The following ACTR3B variants were observed in gnomAD, a reference collection of about 807,000 sequenced individuals.
The protein encoded by ACTR3B is actin related protein 3B.
In ACTR3B, 8 loss-of-function variants were observed where a neutral mutation model predicts 59.0. That is an observed-to-expected ratio of 0.14 (90% confidence interval 0.08 to 0.24). ACTR3B has a LOEUF of 0.24. Among genes scored for constraint, ACTR3B ranks in the 10% least tolerant of loss-of-function variants. The pLI is 1.00. For missense variants in ACTR3B, 245 were observed against 552.3 expected (o/e 0.44, Z 5.58); for synonymous variants, 148 against 197.9 (o/e 0.75, Z 2.12).
intron 2 of ACTR3B, among the ~76,000 whole-genome samples, chr7:152,788,609 C>T (rs2098182867): frequency 6.6e-6 from 1 of 151,982 alleles, no homozygotes; most frequent in Non-Finnish European, 1.5e-5. Context: ...GACGGGATTT[C>T]ACTATGTTGG....
chr7:152,852,014 C>G, intron 9 of ACTR3B, 112 bp from the exon 10 acceptor site: 1 of 1,407,138 alleles, frequency 7.1e-7, no homozygotes, highest in East Asian at 2.3e-5. Flanking sequence ...TTCATAGGGC[C>G]GATGTGTCGT....
intron 2 of ACTR3B, among the ~76,000 whole-genome samples, chr7:152,795,771 T>G (rs138615375): frequency 0.029 from 4,486 of 152,298 alleles, 95 homozygotes; most frequent in Middle Eastern, 0.099. Flanking sequence ...TGAATTTACA[T>G]TAAACACACC....
chr7:152,823,627 T>A, intron 8 of ACTR3B, 112 bp downstream of exon 8: 1 of 1,305,178 alleles, frequency 7.7e-7, no homozygotes, highest in Non-Finnish European at 1.1e-6. Flanking sequence ...TGGCCGTCAT[T>A]CGGTCTCTCT....
At position 152,814,655 on chromosome 7, in the gene ACTR3B, G is replaced by C; in HGVS notation, c.432+10G>C. 3.7e-6 allele frequency: 6 copies of C among 1,607,044 alleles called. No individual in the cohort carries two copies. The highest frequency in any genetic ancestry group is 5.1e-6 in the Non-Finnish European group (6 of 1,174,350). On this transcript the variant is annotated intron_variant, in intron 5 of 11. Transcript: ENST00000256001. ...CTACATTGCAGTTCAGGTAAAACCA[G>C]TTACGTTTGTGATTCCTAAAGCACC...
intron 4 of ACTR3B, among the ~76,000 whole-genome samples, chr7:152,805,514 A>G (rs550258891): frequency 1.3e-5 from 2 of 152,222 alleles, no homozygotes; most frequent in South Asian, 2.1e-4. Flanking sequence ...ACCTACGAAT[A>G]CATGATTATC....
At chr7:152,760,543 A>G (rs1380997841) in intron 1 of ACTR3B, among the ~76,000 whole-genome samples, 1 of 152,198 alleles carries the variant, frequency 6.6e-6, no homozygotes, top group Non-Finnish European at 1.5e-5. Flanking sequence ...ATGAAATGGC[A>G]CACTCAGGCC....
rs749377296 is a variant in ACTR3B, at chr7:152,814,530, T to A, written c.337-20T>A. ...ATGAAATTCGGGTAAACACTAAATA[T>A]AGTGAATGTTTTCTTACAGACAGAA... On this transcript the variant is annotated intron_variant, in intron 4 of 11. Coordinates refer to ENST00000256001, the MANE Select transcript of ACTR3B (RefSeq NM_020445.6). The A allele has an allele frequency of 1.3e-6, 2 of 1,526,920 alleles. No individual in the cohort carries two copies. The highest frequency in any genetic ancestry group is 3.4e-5 in the Admixed American group (2 of 58,314). 94.6% of individuals were successfully genotyped at this position (1,526,920 alleles called of 1,614,324 possible).
intron 1 of ACTR3B, among the ~76,000 whole-genome samples, chr7:152,779,340 A>T (rs2098144564): frequency 6.6e-6 from 1 of 151,988 alleles, no homozygotes; most frequent in South Asian, 2.1e-4. Flanking sequence ...CTTGATGCCT[A>T]CCCAGATCTT....
intron 1 of ACTR3B, among the ~76,000 whole-genome samples, chr7:152,766,755 T>C (rs1037385144): frequency 3.3e-5 from 5 of 152,224 alleles, no homozygotes; most frequent in Non-Finnish European, 7.3e-5. Flanking sequence ...TTTTTTTCAT[T>C]CCCAGATTAC....
intron 1 of ACTR3B, among the ~76,000 whole-genome samples, chr7:152,767,947 C>T (rs1036839743): frequency 2.0e-5 from 3 of 152,210 alleles, no homozygotes; most frequent in African/African-American, 7.2e-5. Flanking sequence ...GGGCCTGGCG[C>T]AGTGGCTCAC....
intron 9 of ACTR3B, among the ~76,000 whole-genome samples, chr7:152,846,491 C>CG (rs1238159150): frequency 8.0e-6 from 1 of 125,588 alleles, no homozygotes; most frequent in Non-Finnish European, 1.6e-5. Flanking sequence ...CCCTAGTGCC[C>CG]GGGCTGTAGT....
chr7:152,818,507 A>G (rs1166822860), intron 6 of ACTR3B, among the ~76,000 whole-genome samples: 5 of 151,926 alleles, frequency 3.3e-5, no homozygotes, highest in Non-Finnish European at 2.9e-5. Context: ...CTGGAGTGCA[A>G]TGGCACGATC....
At chr7:152,802,723 T>A (rs953497175) in intron 4 of ACTR3B, among the ~76,000 whole-genome samples, 9 of 152,082 alleles carry the variant, frequency 5.9e-5, no homozygotes, top group African/African-American at 2.2e-4. Context: ...AGGTTTGGAT[T>A]TTTTTTCATG....
Position 152,759,774 on chromosome 7 carries a change from C to A in ACTR3B, c.-109C>A. ...AGCATCCGGGCTCCCGGCAGCGGCG[C>A]TGCGGCGGCTCGCGGGAGACGCTGC... On this transcript the variant is annotated 5_prime_UTR_variant, in exon 1 of 12. It adds an upstream start codon to the 5' untranslated region. Coordinates refer to ENST00000256001, the MANE Select transcript of ACTR3B (RefSeq NM_020445.6). The A allele has an allele frequency of 1.1e-6, 1 of 892,066 alleles. No individual in the cohort carries two copies. Among genetic ancestry groups the A allele is most frequent in the Non-Finnish European group, 1.4e-6 (1 of 720,474 alleles). 55.3% of individuals were successfully genotyped at this position (892,066 alleles called of 1,614,324 possible). A position where few individuals can be genotyped will look rare whatever the true frequency, so the allele number is the denominator to read the frequency against.
chr7:152,775,058 G>A (rs139781058), intron 1 of ACTR3B, among the ~76,000 whole-genome samples: 45 of 152,136 alleles, frequency 3.0e-4, no homozygotes, highest in African/African-American at 1.0e-3. Flanking sequence ...CAGGCATGGT[G>A]TCGTGCACCT....
Position 152,853,491 on chromosome 7 carries a change from C to T in ACTR3B, c.1078-3C>T. On this transcript the variant is annotated splice_region_variant and splice_polypyrimidine_tract_variant and intron_variant, in intron 10 of 11. Coordinates refer to ENST00000256001, the MANE Select transcript of ACTR3B (RefSeq NM_020445.6). ...GGTAAGTGAGAGCTGCTTTCTCTTC[C>T]AGCCGAAGCCTGTGGAGGTCCAGGT... 1 of 1,613,672 alleles carries T rather than the reference C, an allele frequency of 6.2e-7. No homozygotes were observed. The highest frequency in any genetic ancestry group is 1.1e-5 in the South Asian group (1 of 90,990).
chr7:152,837,305 T>G (rs1443040953), intron 9 of ACTR3B, among the ~76,000 whole-genome samples: 1 of 152,284 alleles, frequency 6.6e-6, no homozygotes, highest in East Asian at 1.9e-4. Flanking sequence ...AAGAATACAT[T>G]TATTGGTAAT....
chr7:152,845,731 G>T (rs1050423547), intron 9 of ACTR3B, among the ~76,000 whole-genome samples: 1 of 152,222 alleles, frequency 6.6e-6, no homozygotes. Context: ...CTCAGGAAAA[G>T]TGGAGTACAG....
intron 1 of ACTR3B, among the ~76,000 whole-genome samples, chr7:152,771,502 A>G (rs1312586186): frequency 2.0e-5 from 3 of 152,190 alleles, no homozygotes; most frequent in African/African-American, 7.2e-5. Flanking sequence ...AACTTCCTGA[A>G]ATTACGTAGA....
Sources: gnomAD v4.1 joint callset for allele counts (sites outside exome capture counted in the v4.1 genomes callset) on GRCh38, gnomAD v4.1.1 for gene constraint, MANE v1.5 for transcripts, NCBI Gene and HGNC (gene_info 2026-07-23, HGNC 2026-07-21) for gene names.